EHMT1: variants seen among roughly 807,000 people sequenced by gnomAD.
EHMT1 encodes the protein euchromatic histone lysine methyltransferase 1, also known as histone-lysine N-methyltransferase EHMT1.
EHMT1 carries 15 observed loss-of-function variants against 147.2 expected under a neutral mutation model. That is an observed-to-expected ratio of 0.10 (90% confidence interval 0.07 to 0.16). The LOEUF is 0.16. Among genes scored for constraint, EHMT1 ranks in the 10% least tolerant of loss-of-function variants. The pLI is 1.00. For synonymous variants in EHMT1, 795 were observed against 709.6 expected, an observed-to-expected ratio of 1.12 and a Z score of -1.91; for missense variants, 1,587 against 1,772.4, an observed-to-expected ratio of 0.90 and a Z score of 1.88.
Position 137,834,839 on chromosome 9 carries a change from C to T in EHMT1, c.3783C>T (p.Pro1261=). The T allele has an allele frequency of 6.2e-7, 1 of 1,612,502 alleles. No homozygotes were observed. Among genetic ancestry groups the T allele is most frequent in the Non-Finnish European group, 8.5e-7 (1 of 1,179,630 alleles). Residue 1261 remains proline (P), a synonymous_variant, in exon 27 of 27, where the codon CCC becomes CCT. Transcript: ENST00000460843. ...GKLFSCRCGS[P]KCRHSSAALA... is the part of the protein sequence containing the mutation. Reference sequence around the variant, plus strand: ...TCTTCAGCTGCCGCTGCGGCTCCCCCAAGTGCCGGCACTCGAGCGCGGCCC... The same window carrying T: ...TCTTCAGCTGCCGCTGCGGCTCCCCTAAGTGCCGGCACTCGAGCGCGGCCC...
chr9:137,801,033 A>C (rs1953435438), intron 18 of EHMT1, 49 bp downstream of exon 18: 1 of 1,508,722 alleles, frequency 6.6e-7, no homozygotes, highest in African/African-American at 1.4e-5. Context: ...AGGGGTGGGG[A>C]CCTCCTCCCC....
chr9:137,717,117 G>T lies in EHMT1; in HGVS notation c.577G>T (p.Ala193Ser), dbSNP rs1468657593. The change falls in exon 3 of 27, where the codon GCC becomes TCC. Residue 193 changes from alanine to serine, a missense_variant. By Grantham distance (99) the Ala-to-Ser change is moderately conservative. Around this residue, in one of 7 missense-constraint regions of EHMT1, gnomAD observed 810 missense variants for 673.0 expected, o/e 1.20. Transcript: ENST00000460843. ...SADTEDRKLPAPGADVKVHRA... is the reference protein window; with the variant it reads ...SADTEDRKLPSPGADVKVHRA... Reference sequence around the variant, plus strand: ...TGACACAGAGGACAGGAAGCTCCCGGCCCCTGGCGCCGACGTCAAGGTCCA... The same window carrying T: ...TGACACAGAGGACAGGAAGCTCCCGTCCCCTGGCGCCGACGTCAAGGTCCA... 2 of 1,612,524 alleles carry T rather than the reference G, an allele frequency of 1.2e-6. No homozygotes were observed. The highest frequency in any genetic ancestry group is 1.1e-5 in the South Asian group (1 of 91,092).
intron 1 of EHMT1, among the ~76,000 whole-genome samples, chr9:137,703,984 G>A (rs1371610542): frequency 6.6e-6 from 1 of 152,102 alleles, no homozygotes; most frequent in Non-Finnish European, 1.5e-5. Flanking sequence ...GAGGCCTCAG[G>A]AAACTTAGCA....
chr9:137,694,937 G>A (rs1217080663), intron 1 of EHMT1, among the ~76,000 whole-genome samples: 1 of 152,224 alleles, frequency 6.6e-6, no homozygotes, highest in African/African-American at 2.4e-5. Context: ...CGGTAAGAAC[G>A]GCAAGTAGCC....
In EHMT1 at chr9:137,798,875, G is replaced by T; in HGVS notation, c.2568G>T (p.Gln856His). Reference protein sequence around the residue: ...AAKKGHYEVVQYLLSNGQMDV... With the variant: ...AAKKGHYEVVHYLLSNGQMDV... The stretch of plus-strand genomic sequence containing the variant: ...AGAAAGGCCACTACGAAGTGGTCCA[G>T]TACCTGCTTTCAAATGGACAGATGG... The change falls in exon 17 of 27, where the codon CAG (glutamine) becomes CAT (histidine). Residue 856 changes from glutamine to histidine, a missense_variant. Gln to His is a conservative substitution (Grantham distance 24, BLOSUM62 0). Coordinates refer to ENST00000460843, the MANE Select transcript of EHMT1 (RefSeq NM_024757.5). The T allele has an allele frequency of 6.2e-7, 1 of 1,614,220 alleles. No homozygotes were observed.
At chr9:137,803,009 A>AG in intron 18 of EHMT1, 1 of 1,231,498 alleles carries the variant, frequency 8.1e-7, no homozygotes, top group Non-Finnish European at 1.0e-6. Context: ...GGCCACCCCC[A>AG]GGTGGGGCCA....
At chr9:137,729,906 C>A (rs3125783) in intron 4 of EHMT1, among the ~76,000 whole-genome samples, 3 of 152,086 alleles carry the variant, frequency 2.0e-5, no homozygotes, top group Non-Finnish European at 4.4e-5. Context: ...TGTCCTGTTC[C>A]GCATTTCCCA....
intron 4 of EHMT1, among the ~76,000 whole-genome samples, chr9:137,735,706 G>C (rs1370137239): frequency 6.6e-6 from 1 of 152,170 alleles, no homozygotes; most frequent in Admixed American, 6.5e-5. Context: ...GAGGTGATTG[G>C]TCATGTGTGT....
intron 1 of EHMT1, among the ~76,000 whole-genome samples, chr9:137,656,600 T>G (rs1475833540): frequency 6.6e-6 from 1 of 152,044 alleles, no homozygotes; most frequent in Non-Finnish European, 1.5e-5. Flanking sequence ...GCTGGGCCTG[T>G]GCTGTGGACT....
At chr9:137,718,673 C>G in intron 3 of EHMT1, among the ~76,000 whole-genome samples, 1 of 152,072 alleles carries the variant, frequency 6.6e-6, no homozygotes, top group East Asian at 1.9e-4. Flanking sequence ...GCTGTTCATC[C>G]CATATATTGA....
At chr9:137,823,103 T>G (rs1237753040) in intron 25 of EHMT1, among the ~76,000 whole-genome samples, 2 of 146,256 alleles carry the variant, frequency 1.4e-5, no homozygotes, top group African/African-American at 5.1e-5. Context: ...GCTAATTGTT[T>G]TTTTTTTTTT....
rs71944923 is a variant in EHMT1 at position 137,729,586 on chromosome 9, C to CAAA, written c.823+1068_823+1070dup. On this transcript the variant is annotated intron_variant, in intron 4 of 26. Transcript: ENST00000460843. ...TGGGCGACAGAGCAAGACTCCATCT[C>CAAA]AAAAAAAAAAAAATTTTTTTTAATT... Among the ~76,000 whole-genome samples, 263 of 143,710 alleles carry CAAA rather than the reference C, an allele frequency of 1.8e-3. 2 individuals carry two copies. The highest frequency in any genetic ancestry group is 6.3e-3 in the African/African-American group (250 of 39,482). 94.3% of individuals were successfully genotyped at this position (143,710 alleles called of 152,430 possible). A position where few individuals can be genotyped will look rare whatever the true frequency, so the allele number is the denominator to read the frequency against.
intron 25 of EHMT1, 127 bp downstream of exon 25, chr9:137,818,265 AC>A: frequency 9.5e-7 from 1 of 1,056,164 alleles, no homozygotes; most frequent in South Asian, 1.3e-5. Context: ...CTTGCTATAG[AC>A]CTGCTGAGTG....
chr9:137,783,844 A>G (rs1951751674), intron 15 of EHMT1, among the ~76,000 whole-genome samples: 1 of 152,040 alleles, frequency 6.6e-6, no homozygotes, highest in African/African-American at 2.4e-5. Flanking sequence ...TTTTGTTACT[A>G]TTTGCCTGGA....
intron 8 of EHMT1, among the ~76,000 whole-genome samples, chr9:137,755,010 TCTC>T (rs1413884913): frequency 2.0e-5 from 3 of 152,100 alleles, no homozygotes; most frequent in African/African-American, 4.8e-5. Context: ...AGGAAGGAAA[TCTC>T]CTCAAACCCA....
intron 1 of EHMT1, among the ~76,000 whole-genome samples, chr9:137,643,100 C>T (rs911521284): frequency 6.6e-6 from 1 of 151,710 alleles, no homozygotes; most frequent in African/African-American, 2.4e-5. Context: ...CCAGGCTGGT[C>T]TCCAACTCCT....
At chr9:137,680,400 G>T (rs1302652170) in intron 1 of EHMT1, among the ~76,000 whole-genome samples, 2 of 152,240 alleles carry the variant, frequency 1.3e-5, no homozygotes, top group African/African-American at 4.8e-5. Context: ...TTGAACTGGA[G>T]AGGCAGAGGT....
chr9:137,811,411 C>A, intron 18 of EHMT1, 50 bp from the exon 19 acceptor site: 2 of 1,608,702 alleles, frequency 1.2e-6, no homozygotes, highest in Non-Finnish European at 1.7e-6. Flanking sequence ...AGCCCCAGCA[C>A]TGTGAGCCAG....
chr9:137,798,139 A>C (rs1180444097), intron 16 of EHMT1, among the ~76,000 whole-genome samples: 1 of 152,206 alleles, frequency 6.6e-6, no homozygotes, highest in Non-Finnish European at 1.5e-5. Context: ...CTGTAATCCC[A>C]GTTACGATGC....
Sources: gnomAD v4.1 joint callset for allele counts (sites outside exome capture counted in the v4.1 genomes callset) on GRCh38, gnomAD v4.1.1 for gene constraint, gnomAD v4.1.1 regional missense constraint, MANE v1.5 for transcripts, NCBI Gene and HGNC (gene_info 2026-07-23, HGNC 2026-07-21) for gene names.